The following CERS6 variants were observed in gnomAD, a reference collection of about 807,000 sequenced individuals.
The protein encoded by CERS6 is LAG1 homolog, ceramide synthase 6.
CERS6 carries 26 observed loss-of-function variants against 56.8 expected under a neutral mutation model. The ratio of observed to expected loss-of-function variants is 0.46; its 90% CI spans 0.34 to 0.63. The LOEUF (loss-of-function observed/expected upper bound fraction) is 0.63. Among genes scored for constraint, CERS6 ranks in the 30% least tolerant of loss-of-function variants. The probability of loss-of-function intolerance (pLI) is 0.01; values close to 1 mark genes in which losing one functional copy is unlikely to be tolerated. For missense variants in CERS6, 415 were observed against 467.5 expected, an observed-to-expected ratio of 0.89 and a Z score of 1.04; for synonymous variants, 164 against 173.3, an observed-to-expected ratio of 0.95 and a Z score of 0.42.
At chr2:168,659,735 A>G (rs1027742341) in intron 4 of CERS6, among the ~76,000 whole-genome samples, 1 of 151,944 alleles carries the variant, frequency 6.6e-6, no homozygotes, top group Non-Finnish European at 1.5e-5. Context: ...ACTCTTTGCA[A>G]AGTTGGATGG....
chr2:168,662,630 G>A (rs966656964), intron 4 of CERS6, among the ~76,000 whole-genome samples: 2 of 152,184 alleles, frequency 1.3e-5, no homozygotes, highest in Non-Finnish European at 2.9e-5. Flanking sequence ...ACTTCGGGAG[G>A]CTGAGGCAGG....
rs537477743 is a variant in CERS6, at chr2:168,763,687, C to G, written c.846-1905C>G. Among the ~76,000 whole-genome samples the G allele has an allele frequency of 2.0e-5, 3 of 152,204 alleles. No homozygotes were observed. In the South Asian group the frequency reaches 6.2e-4, roughly 32 times the overall value. ...ATATGAGTGGTCTGTGTCTTAAATTCGAGAGTTTTCTCTCCCTTCCCTTTA... is the reference window on the plus strand; with the variant it reads ...ATATGAGTGGTCTGTGTCTTAAATTGGAGAGTTTTCTCTCCCTTCCCTTTA... On this transcript the variant is annotated intron_variant, in intron 8 of 9. Transcript: ENST00000305747.
chr2:168,459,031 C>T (rs953240035), intron 1 of CERS6, among the ~76,000 whole-genome samples: 2 of 152,200 alleles, frequency 1.3e-5, no homozygotes, highest in African/African-American at 4.8e-5. Flanking sequence ...GTATATACAT[C>T]CTTTTCTTTT....
chr2:168,639,332 A>G (rs1684934352), intron 4 of CERS6, among the ~76,000 whole-genome samples: 1 of 152,240 alleles, frequency 6.6e-6, no homozygotes, highest in Admixed American at 6.5e-5. Context: ...TTTGATAGGA[A>G]GTATTGATCC....
At position 168,529,926 on chromosome 2, in the gene CERS6, G is replaced by A. The variant is rs539888363; in HGVS notation, c.171-17670G>A. On this transcript the variant is annotated intron_variant, in intron 1 of 9. Coordinates refer to ENST00000305747, the MANE Select transcript of CERS6 (RefSeq NM_203463.3). The stretch of plus-strand genomic sequence containing the variant: ...GACATTTAGCTTCAGGGGCAATTTG[G>A]GGATTTCTGGACAAATCCAGCAGTC... Among the ~76,000 whole-genome samples, 54 of 151,754 alleles carry A rather than the reference G, an allele frequency of 3.6e-4. 1 individual carries two copies. Among genetic ancestry groups the A allele is most frequent in the African/African-American group, 1.3e-3 (53 of 41,402 alleles).
At position 168,588,831 on chromosome 2, in the gene CERS6, C is replaced by T. The variant is rs112643736; in HGVS notation, c.407+27509C>T. 4.9e-3 allele frequency among the ~76,000 whole-genome samples: 747 copies of T among 152,300 alleles called. 11 individuals are homozygous for T. Among genetic ancestry groups the T allele is most frequent in the African/African-American group, 0.017 (696 of 41,560 alleles). On this transcript the variant is annotated intron_variant, in intron 3 of 9. Transcript: ENST00000305747. ...CTCACTCACTGCAACCTCCACCTCC[C>T]GGGTTCAAGCAATTCTTCTGCCTCA...
At chr2:168,640,120 T>C (rs377324677) in intron 4 of CERS6, among the ~76,000 whole-genome samples, 2 of 152,328 alleles carry the variant, frequency 1.3e-5, no homozygotes, top group African/African-American at 4.8e-5. Flanking sequence ...GAGGTAGTTT[T>C]ACCTGAGTGG....
chr2:168,651,738 C>T (rs1685346979), intron 4 of CERS6, among the ~76,000 whole-genome samples: 1 of 152,166 alleles, frequency 6.6e-6, no homozygotes, highest in Admixed American at 6.5e-5. Flanking sequence ...CCAGGTCCCT[C>T]CCTTGACATG....
intron 3 of CERS6, among the ~76,000 whole-genome samples, chr2:168,577,623 G>T (rs1045476922): frequency 6.6e-6 from 1 of 152,208 alleles, no homozygotes; most frequent in African/African-American, 2.4e-5. Flanking sequence ...AGGCGCTGGG[G>T]TGTGGAGCAC....
At chr2:168,697,104 C>T (rs796137105) in intron 6 of CERS6, among the ~76,000 whole-genome samples, 7 of 152,330 alleles carry the variant, frequency 4.6e-5, no homozygotes, top group African/African-American at 1.7e-4. Context: ...CCTGTCCCCA[C>T]ATATGCTCCT....
intron 2 of CERS6, among the ~76,000 whole-genome samples, chr2:168,550,441 G>A (rs1041341258): frequency 1.3e-5 from 2 of 152,182 alleles, no homozygotes; most frequent in African/African-American, 4.8e-5. Flanking sequence ...GCCTCCCAAA[G>A]TGTTGGGATT....
chr2:168,555,199 C>A (rs903629551), intron 2 of CERS6, among the ~76,000 whole-genome samples: 1 of 151,810 alleles, frequency 6.6e-6, no homozygotes, highest in Non-Finnish European at 1.5e-5. Flanking sequence ...AAATTAGGCA[C>A]GATTTAATAC....
intron 3 of CERS6, among the ~76,000 whole-genome samples, chr2:168,628,252 A>G (rs1684635173): frequency 6.6e-6 from 1 of 152,102 alleles, no homozygotes; most frequent in Non-Finnish European, 1.5e-5. Flanking sequence ...TCATTCCCGA[A>G]TTTAGAGATA....
At chr2:168,689,121 A>T (rs1362914210) in intron 4 of CERS6, among the ~76,000 whole-genome samples, 1 of 152,170 alleles carries the variant, frequency 6.6e-6, no homozygotes, top group East Asian at 1.9e-4. Flanking sequence ...GATGAACATG[A>T]GGCCTTGCAT....
chr2:168,641,081 CCAG>C (rs1191997180), intron 4 of CERS6, among the ~76,000 whole-genome samples: 1 of 152,026 alleles, frequency 6.6e-6, no homozygotes, highest in African/African-American at 2.4e-5. Flanking sequence ...TTAATCCTGG[CCAG>C]CAGAACTTAA....
chr2:168,736,148 T>C (rs1220129437), intron 8 of CERS6, among the ~76,000 whole-genome samples: 1 of 152,230 alleles, frequency 6.6e-6, no homozygotes, highest in African/African-American at 2.4e-5. Flanking sequence ...CTCATACTTT[T>C]GTTACCATTA....
At chr2:168,639,830 G>A (rs917174344) in intron 4 of CERS6, among the ~76,000 whole-genome samples, 7 of 152,110 alleles carry the variant, frequency 4.6e-5, no homozygotes, top group African/African-American at 1.7e-4. Flanking sequence ...TGTCAGGTGG[G>A]ACAAATGGCT....
chr2:168,490,753 A>G (rs1469243627), intron 1 of CERS6, among the ~76,000 whole-genome samples: 3 of 152,102 alleles, frequency 2.0e-5, no homozygotes, highest in African/African-American at 7.2e-5. Context: ...TGGGCTTACT[A>G]TCAGAGAGGA....
In CERS6 at chr2:168,547,641, T is replaced by C. The variant is rs1321660303; in HGVS notation, c.216T>C (p.Asn72=). ...CCATAGCCCTCAACATTCAGGCCAA[T>C]GGACCACAAATTGCTCCGCCCAATG... The part of the protein sequence containing the change: ...PCAIALNIQA[N]GPQIAPPNAI... The change falls in exon 2 of 10, where the codon AAT becomes AAC. Residue 72 remains asparagine, a synonymous_variant. Transcript: ENST00000305747. The C allele has an allele frequency of 6.2e-7, 1 of 1,614,118 alleles. No homozygotes were observed. Among genetic ancestry groups the C allele is most frequent in the Non-Finnish European group, 8.5e-7 (1 of 1,179,922 alleles).
Sources: gnomAD v4.1 joint callset for allele counts (sites outside exome capture counted in the v4.1 genomes callset) on GRCh38, gnomAD v4.1.1 for gene constraint, MANE v1.5 for transcripts, NCBI Gene and HGNC (gene_info 2026-07-23, HGNC 2026-07-21) for gene names.